NKAIN2: variants seen among roughly 807,000 people sequenced by gnomAD.
NKAIN2 encodes the protein sodium/potassium transporting ATPase interacting 2.
In NKAIN2, 14 loss-of-function variants were observed where a neutral mutation model predicts 32.6. That is an observed-to-expected ratio of 0.43 (90% confidence interval 0.28 to 0.67). The LOEUF (loss-of-function observed/expected upper bound fraction) is 0.67. NKAIN2 is among the 30% of genes least tolerant of loss of function. The pLI, the probability that NKAIN2 is intolerant of heterozygous loss-of-function variation, is 0.17. For synonymous variants in NKAIN2, 80 were observed against 87.2 expected, an observed-to-expected ratio of 0.92 and a Z score of 0.46; for missense variants, 198 against 258.3, an observed-to-expected ratio of 0.77 and a Z score of 1.60.
At chr6:124,666,384 G>A (rs566667293) in intron 4 of NKAIN2, among the ~76,000 whole-genome samples, 8 of 152,250 alleles carry the variant, frequency 5.3e-5, no homozygotes, top group African/African-American at 1.4e-4. Flanking sequence ...AATAAGCGAA[G>A]TCCCACAGAC....
intron 3 of NKAIN2, among the ~76,000 whole-genome samples, chr6:124,562,978 C>T (rs1433607582): frequency 6.7e-6 from 1 of 150,290 alleles, no homozygotes; most frequent in East Asian, 2.0e-4. Context: ...GATCTCAGCT[C>T]ACTGCAAAAT....
intron 3 of NKAIN2, among the ~76,000 whole-genome samples, chr6:124,578,354 G>T (rs576989170): frequency 6.7e-6 from 1 of 148,564 alleles, no homozygotes; most frequent in Non-Finnish European, 1.5e-5. Flanking sequence ...CCTGAAGGGA[G>T]AGTCTCAGAC....
intron 1 of NKAIN2, among the ~76,000 whole-genome samples, chr6:123,833,883 A>G (rs1236459017): frequency 6.6e-6 from 1 of 151,460 alleles, no homozygotes; most frequent in Non-Finnish European, 1.5e-5. Flanking sequence ...GTGCGCCACC[A>G]TGCCTGGCTA....
chr6:124,584,422 C>T (rs2114946886), intron 3 of NKAIN2, among the ~76,000 whole-genome samples: 1 of 152,224 alleles, frequency 6.6e-6, no homozygotes, highest in African/African-American at 2.4e-5. Context: ...GAGGCTGAGG[C>T]ACATGGATCA....
chr6:123,883,401 TC>T (rs1178361888), intron 1 of NKAIN2, among the ~76,000 whole-genome samples: 6 of 152,144 alleles, frequency 3.9e-5, no homozygotes, highest in African/African-American at 1.4e-4. Flanking sequence ...CGCCTCGGCC[TC>T]CCAAAGTGCT....
intron 3 of NKAIN2, among the ~76,000 whole-genome samples, chr6:124,405,640 G>T (rs564952474): frequency 6.6e-5 from 10 of 150,584 alleles, no homozygotes; most frequent in Admixed American, 6.6e-4. Context: ...TCTGCCTCCC[G>T]AAGAGCTGGA....
chr6:124,088,338 T>G (rs1389733570), intron 1 of NKAIN2, among the ~76,000 whole-genome samples: 3 of 151,888 alleles, frequency 2.0e-5, no homozygotes, highest in East Asian at 3.9e-4. Context: ...AAAGGATAAT[T>G]TGAGCCCAGA....
At chr6:124,380,045 C>A (rs1018562199) in intron 3 of NKAIN2, among the ~76,000 whole-genome samples, 9 of 152,122 alleles carry the variant, frequency 5.9e-5, no homozygotes, top group Admixed American at 5.2e-4. Flanking sequence ...TCACGCTATG[C>A]AGTTATTACT....
intron 1 of NKAIN2, among the ~76,000 whole-genome samples, chr6:123,815,958 AG>A (rs1773676421): frequency 6.6e-6 from 1 of 152,174 alleles, no homozygotes; most frequent in African/African-American, 2.4e-5. Context: ...CAGCATGATA[AG>A]AACTTAAGAT....
rs557920506 is a variant in NKAIN2 at position 124,706,457 on chromosome 6, T to C, written c.474+48071T>C. On this transcript the variant is annotated intron_variant, in intron 4 of 6. Coordinates refer to ENST00000368417, the MANE Select transcript of NKAIN2 (RefSeq NM_001040214.3). ...TTTCCTTCTGGCTGAAATATGATTC[T>C]ATGTCAGCTGAGACAGTTTCTTGCT... Among the ~76,000 whole-genome samples the C allele has an allele frequency of 5.3e-5, 8 of 152,192 alleles. 1 individual carries two copies. Among genetic ancestry groups the C allele is most frequent in the Middle Eastern group, 3.4e-3 (1 of 294 alleles).
chr6:123,812,756 C>A (rs1773529604), intron 1 of NKAIN2, among the ~76,000 whole-genome samples: 1 of 152,208 alleles, frequency 6.6e-6, no homozygotes, highest in Non-Finnish European at 1.5e-5. Context: ...GAAGAATCCT[C>A]ATACTGACTT....
At chr6:124,132,547 A>G (rs964581466) in intron 1 of NKAIN2, among the ~76,000 whole-genome samples, 5 of 152,220 alleles carry the variant, frequency 3.3e-5, no homozygotes, top group African/African-American at 1.2e-4. Flanking sequence ...TGGTCCCGGG[A>G]AAGAGAAAAC....
intron 1 of NKAIN2, among the ~76,000 whole-genome samples, chr6:124,196,830 G>T (rs1463502315): frequency 6.6e-6 from 1 of 151,804 alleles, no homozygotes; most frequent in Non-Finnish European, 1.5e-5. Flanking sequence ...ATTCGTGCTT[G>T]CTTTATTAAT....
intron 4 of NKAIN2, among the ~76,000 whole-genome samples, chr6:124,665,361 G>A (rs1772737407): frequency 6.6e-6 from 1 of 152,030 alleles, no homozygotes; most frequent in Non-Finnish European, 1.5e-5. Flanking sequence ...CACATGTAAT[G>A]GTCAGCTGAT....
intron 1 of NKAIN2, among the ~76,000 whole-genome samples, chr6:124,153,475 T>A (rs1787833903): frequency 6.6e-6 from 1 of 151,768 alleles, no homozygotes; most frequent in Non-Finnish European, 1.5e-5. Context: ...ACTTTTAACA[T>A]TATCTAGTAT....
At chr6:124,583,232 A>AG (rs1433478168) in intron 3 of NKAIN2, among the ~76,000 whole-genome samples, 1 of 151,052 alleles carries the variant, frequency 6.6e-6, no homozygotes, top group Non-Finnish European at 1.5e-5. Context: ...ACTCCACCAA[A>AG]AAAAAAAAAA....
intron 1 of NKAIN2, among the ~76,000 whole-genome samples, chr6:123,888,520 G>A (rs1399722933): frequency 2.6e-5 from 4 of 152,044 alleles, no homozygotes; most frequent in Non-Finnish European, 5.9e-5. Context: ...TTATAAATCA[G>A]CCTCTGTTAA....
intron 1 of NKAIN2, among the ~76,000 whole-genome samples, chr6:123,852,454 C>G (rs1405147247): frequency 2.6e-5 from 4 of 152,144 alleles, no homozygotes; most frequent in Non-Finnish European, 5.9e-5. Context: ...TCTCCCCAAC[C>G]TCCACTGTTT....
At chr6:124,807,463 A>C (rs1379050829) in intron 5 of NKAIN2, among the ~76,000 whole-genome samples, 35 of 151,484 alleles carry the variant, frequency 2.3e-4, no homozygotes, top group South Asian at 1.3e-3. Context: ...CACAACATAC[A>C]AGAATCTCTG....
Sources: gnomAD v4.1 joint callset for allele counts (sites outside exome capture counted in the v4.1 genomes callset) on GRCh38, gnomAD v4.1.1 for gene constraint, MANE v1.5 for transcripts, NCBI Gene and HGNC (gene_info 2026-07-23, HGNC 2026-07-21) for gene names.